Variants in ANKS1B observed in about 807,000 individuals in gnomAD.
The protein encoded by ANKS1B is ankyrin repeat and sterile alpha motif domain containing 1B, also known as ankyrin repeat and sterile alpha motif domain-containing protein 1B.
A neutral mutation model predicts 148.3 loss-of-function variants in ANKS1B; 36 were observed. The ratio of observed to expected loss-of-function variants is 0.24; its 90% CI spans 0.19 to 0.32. The LOEUF is 0.32. Among genes scored for constraint, ANKS1B ranks in the 10% least tolerant of loss-of-function variants. ANKS1B has a pLI of 1.00. For missense variants in ANKS1B, 1,157 were observed against 1,542.6 expected, an observed-to-expected ratio of 0.75 and a Z score of 4.19; for synonymous variants, 542 against 560.8, an observed-to-expected ratio of 0.97 and a Z score of 0.47.
intron 11 of ANKS1B, among the ~76,000 whole-genome samples, chr12:99,427,980 A>G (rs1219337603): frequency 1.3e-5 from 2 of 152,238 alleles, no homozygotes; most frequent in South Asian, 2.1e-4. Context: ...AGCCCAGTGC[A>G]AGAACATTTA....
At chr12:99,272,462 T>C (rs1038864717) in intron 12 of ANKS1B, among the ~76,000 whole-genome samples, 3 of 152,154 alleles carry the variant, frequency 2.0e-5, no homozygotes, top group Non-Finnish European at 2.9e-5. Flanking sequence ...CTATAACTAT[T>C]TTGGAACTCT....
At chr12:99,637,181 A>C (rs2088788) in intron 9 of ANKS1B, among the ~76,000 whole-genome samples, 1 of 152,006 alleles carries the variant, frequency 6.6e-6, no homozygotes, top group Non-Finnish European at 1.5e-5. Context: ...GCATGTTGGC[A>C]CATGCCTGTA....
chr12:99,647,227 A>AG (rs1273332234), intron 9 of ANKS1B, among the ~76,000 whole-genome samples: 2 of 152,330 alleles, frequency 1.3e-5, no homozygotes, highest in Admixed American at 6.5e-5. Context: ...AAAAAAGGTC[A>AG]GGGATATCTT....
chr12:99,301,324 G>T (rs2081573727), intron 12 of ANKS1B, among the ~76,000 whole-genome samples: 2 of 152,044 alleles, frequency 1.3e-5, no homozygotes, highest in Non-Finnish European at 2.9e-5. Flanking sequence ...GGGATCTCTT[G>T]GCCCTGTCGA....
intron 11 of ANKS1B, among the ~76,000 whole-genome samples, chr12:99,425,910 A>C (rs1261671970): frequency 6.6e-6 from 1 of 152,140 alleles, no homozygotes; most frequent in Non-Finnish European, 1.5e-5. Flanking sequence ...CTTAATTTCT[A>C]TGAAGTCAAG....
At chr12:98,946,614 T>C (rs1001066886) in intron 17 of ANKS1B, among the ~76,000 whole-genome samples, 2 of 152,092 alleles carry the variant, frequency 1.3e-5, no homozygotes, top group Non-Finnish European at 2.9e-5. Context: ...TGAGAGCAGC[T>C]GACTAATTTT....
chr12:98,799,523 G>A (rs2098981744), intron 21 of ANKS1B, among the ~76,000 whole-genome samples: 1 of 138,248 alleles, frequency 7.2e-6, no homozygotes. Flanking sequence ...CCTGAGAACG[G>A]GATGGGAGGG....
intron 17 of ANKS1B, among the ~76,000 whole-genome samples, chr12:98,882,971 T>A (rs2099715696): frequency 6.6e-6 from 1 of 152,164 alleles, no homozygotes; most frequent in Admixed American, 6.5e-5. Flanking sequence ...TTCTTTAGAG[T>A]GTATTTTTAA....
At chr12:99,788,234 A>T (rs1737153614) in intron 4 of ANKS1B, among the ~76,000 whole-genome samples, 1 of 152,270 alleles carries the variant, frequency 6.6e-6, no homozygotes, top group East Asian at 1.9e-4. Flanking sequence ...TTTCCCTTCT[A>T]TTTAAGGAGA....
In ANKS1B at chr12:98,985,281, T is replaced by A. The variant is rs542153834; in HGVS notation, c.2778+67876A>T. On this transcript the variant is annotated intron_variant, in intron 17 of 26. Transcript: ENST00000683438. ...TTATGTACCACTGCTCCTGGCTAAT[T>A]AAAAAATTTTTTTTTGCAGAGAAGA... Among the ~76,000 whole-genome samples the A allele has an allele frequency of 1.2e-4, 18 of 152,156 alleles. No homozygotes were observed. In the East Asian group the frequency reaches 3.1e-3, roughly 26 times the overall value.
At chr12:99,417,494 C>T (rs1000416990) in intron 11 of ANKS1B, among the ~76,000 whole-genome samples, 1 of 152,130 alleles carries the variant, frequency 6.6e-6, no homozygotes, top group African/African-American at 2.4e-5. Flanking sequence ...ATTCCTCCCA[C>T]TTTTTTCTTC....
chr12:98,854,594 C>A (rs991866995), intron 17 of ANKS1B, among the ~76,000 whole-genome samples: 12 of 152,206 alleles, frequency 7.9e-5, no homozygotes, highest in African/African-American at 2.9e-4. Context: ...GGAGCCAAAG[C>A]CTAGACTTAA....
chr12:98,845,977 T>TACACAC (rs1343791424), intron 17 of ANKS1B, among the ~76,000 whole-genome samples: 1 of 62,660 alleles, frequency 1.6e-5, no homozygotes, highest in African/African-American at 3.0e-5. Flanking sequence ...TATATATATA[T>TACACAC]ATACACACAC....
In ANKS1B at chr12:99,648,674, A is replaced by T. The variant is rs1290902757; in HGVS notation, c.1272+6393T>A. The T allele has an allele frequency of 1.9e-6, 3 of 1,614,138 alleles. No homozygotes were observed. The South Asian group carries it at 3.3e-5, about 18-fold the overall frequency. ...AGTGAAGACCTTTTTGTTCACTGGG[A>T]AAACCTTGTTTACATCCTGAGACCA... is the stretch of plus-strand genomic sequence containing the variant. On this transcript the variant is annotated intron_variant, in intron 9 of 26. Transcript: ENST00000683438.
intron 13 of ANKS1B, among the ~76,000 whole-genome samples, chr12:99,245,149 C>T (rs140062693): frequency 1.1e-4 from 16 of 152,266 alleles, no homozygotes; most frequent in African/African-American, 3.8e-4. Context: ...GCCACCATTC[C>T]CGGCCTGGAG....
chr12:99,294,408 T>C (rs1402121552), intron 12 of ANKS1B, among the ~76,000 whole-genome samples: 1 of 152,180 alleles, frequency 6.6e-6, no homozygotes, highest in Non-Finnish European at 1.5e-5. Flanking sequence ...TCATGTTAAG[T>C]GAAATAAGCC....
chr12:99,625,098 A>T (rs113704535), intron 9 of ANKS1B, among the ~76,000 whole-genome samples: 3,826 of 152,240 alleles, frequency 0.025, 178 homozygotes, highest in African/African-American at 0.088. Context: ...TCCTTTGCAG[A>T]AACATGGATG....
rs552483974 is a variant in ANKS1B at position 99,621,809 on chromosome 12, G to A, written c.1272+33258C>T. ...TAGACAGCCACACAATGAAAATAGTGGAGGACTTCAATATCCCACTGACAG... is the reference window on the plus strand; with the variant it reads ...TAGACAGCCACACAATGAAAATAGTAGAGGACTTCAATATCCCACTGACAG... On this transcript the variant is annotated intron_variant, in intron 9 of 26. Transcript: ENST00000683438. Among the ~76,000 whole-genome samples the A allele has an allele frequency of 4.0e-5, 6 of 151,782 alleles. No individual in the cohort carries two copies. The South Asian group carries it at 1.3e-3, about 32-fold the overall frequency.
At chr12:99,832,751 G>C (rs1262299075) in intron 1 of ANKS1B, among the ~76,000 whole-genome samples, 3 of 148,676 alleles carry the variant, frequency 2.0e-5, no homozygotes, top group Admixed American at 1.3e-4. Flanking sequence ...GAGAGAGAGA[G>C]AAAGCTCATA....
Sources: allele counts gnomAD v4.1 joint callset (sites outside exome capture counted in the v4.1 genomes callset), GRCh38; gene constraint gnomAD v4.1.1; transcripts MANE v1.5; gene names NCBI Gene and HGNC (gene_info 2026-07-23, HGNC 2026-07-21).